The following SULF1 variants were observed in gnomAD, a reference collection of about 807,000 sequenced individuals.
SULF1 encodes sulfatase 1, also known as extracellular sulfatase Sulf-1.
A neutral mutation model predicts 110.5 loss-of-function variants in SULF1; 46 were observed. The observed-to-expected ratio is 0.42, with a 90% CI of 0.33 to 0.53. The LOEUF is 0.53. Ranked by LOEUF, SULF1 falls within the 20% of genes least tolerant of loss-of-function variation. The pLI, the probability that SULF1 is intolerant of heterozygous loss-of-function variation, is 0.12. For synonymous variants in SULF1, 371 were observed against 387.1 expected (o/e 0.96, Z 0.49); for missense variants, 941 against 1,094.2 (o/e 0.86, Z 1.98).
intron 3 of SULF1, among the ~76,000 whole-genome samples, chr8:69,548,750 C>G (rs900979075): frequency 1.3e-5 from 2 of 151,784 alleles, no homozygotes; most frequent in African/African-American, 4.8e-5. Context: ...CATGAGCCAC[C>G]GTGCCCAGAC....
At chr8:69,635,405 G>C (rs1371017978) in intron 19 of SULF1, among the ~76,000 whole-genome samples, 1 of 152,068 alleles carries the variant, frequency 6.6e-6, no homozygotes, top group African/African-American at 2.4e-5. Flanking sequence ...TGGGGACTGG[G>C]GTTATAAATA....
At chr8:69,590,370 C>G (rs11990581) in intron 8 of SULF1, among the ~76,000 whole-genome samples, 73 of 152,052 alleles carry the variant, frequency 4.8e-4, no homozygotes, top group African/African-American at 1.7e-3. Flanking sequence ...ACCATGTTGG[C>G]CAGGCTGGTC....
intron 22 of SULF1, among the ~76,000 whole-genome samples, chr8:69,656,802 T>A (rs1326524172): frequency 1.3e-5 from 2 of 152,230 alleles, no homozygotes; most frequent in African/African-American, 4.8e-5. Context: ...TATGTCTTTA[T>A]AATAGAATGA....
intron 3 of SULF1, among the ~76,000 whole-genome samples, chr8:69,519,895 C>A (rs1176450083): frequency 6.6e-6 from 1 of 152,046 alleles, no homozygotes; most frequent in Non-Finnish European, 1.5e-5. Context: ...CTGTAAACTA[C>A]AGAAATTGGG....
At chr8:69,556,433 G>A (rs1320120880) in intron 3 of SULF1, among the ~76,000 whole-genome samples, 1 of 152,132 alleles carries the variant, frequency 6.6e-6, no homozygotes, top group Non-Finnish European at 1.5e-5. Flanking sequence ...GGACAACACT[G>A]CCCCCATCAG....
chr8:69,532,699 T>C (rs183508113), intron 3 of SULF1, among the ~76,000 whole-genome samples: 1 of 152,330 alleles, frequency 6.6e-6, no homozygotes, highest in African/African-American at 2.4e-5. Flanking sequence ...AGTTTGTTTT[T>C]TGTTGTTGTT....
At chr8:69,558,319 C>T (rs1169000804) in intron 3 of SULF1, among the ~76,000 whole-genome samples, 1 of 152,192 alleles carries the variant, frequency 6.6e-6, no homozygotes, top group Non-Finnish European at 1.5e-5. Context: ...TGGCTAAATT[C>T]AGCTTCGCAT....
chr8:69,629,469 C>T, intron 18 of SULF1, 35 bp from the exon 19 acceptor site: 1 of 1,579,600 alleles, frequency 6.3e-7, no homozygotes, highest in Non-Finnish European at 8.6e-7. Flanking sequence ...AAAGTGCCTT[C>T]TGAACACTCA....
At chr8:69,641,457 A>G (rs913083934) in intron 22 of SULF1, among the ~76,000 whole-genome samples, 1 of 152,178 alleles carries the variant, frequency 6.6e-6, no homozygotes, top group Admixed American at 6.5e-5. Context: ...TCAAGATACT[A>G]GTAAAGGGCC....
chr8:69,609,776 C>A (rs1433083833), intron 13 of SULF1, among the ~76,000 whole-genome samples: 2 of 152,176 alleles, frequency 1.3e-5, no homozygotes, highest in African/African-American at 4.8e-5. Context: ...ATATGGGCAG[C>A]TTTAGAGATG....
At chr8:69,504,951 G>A (rs1345522863) in intron 3 of SULF1, among the ~76,000 whole-genome samples, 1 of 152,136 alleles carries the variant, frequency 6.6e-6, no homozygotes, top group Non-Finnish European at 1.5e-5. Context: ...GCTGCCCTGT[G>A]CATTTTTGAT....
rs763048152 is a variant in SULF1 at position 69,627,811 on chromosome 8, G to A, written c.1987G>A (p.Val663Met). The A allele has an allele frequency of 3.1e-6, 5 of 1,613,488 alleles. No individual in the cohort carries two copies. The highest frequency in any genetic ancestry group is 2.2e-5 in the East Asian group (1 of 44,858). Residue 663 changes from valine to methionine, a missense_variant, in exon 17 of 23, where the codon GTG (valine) becomes ATG (methionine). Coordinates refer to ENST00000402687, the MANE Select transcript of SULF1 (RefSeq NM_001128205.2). ...AGATAAAATTAAGAATTTAAGAGAA[G>A]TGAGAGGACATCTGAAGAGAAGGAA... ...LQDKIKNLRE[V>M]RGHLKRRKPE...
chr8:69,478,764 A>G (rs1030597155), intron 1 of SULF1, among the ~76,000 whole-genome samples: 1 of 151,886 alleles, frequency 6.6e-6, no homozygotes, highest in Non-Finnish European at 1.5e-5. Flanking sequence ...ATTTTTTTAA[A>G]TTGCCTTCTC....
In SULF1 at chr8:69,514,399, A is replaced by C. The variant is rs566057969; in HGVS notation, c.-134+12431A>C. Among the ~76,000 whole-genome samples the C allele has an allele frequency of 2.6e-5, 4 of 152,262 alleles. No homozygotes were observed. In the East Asian group the frequency reaches 7.7e-4, roughly 29 times the overall value. ...AACCAGATCTCATGGGAACTCACTCATGGAACAGCAAGGGGGAAATTCACC... is the reference window on the plus strand; with the variant it reads ...AACCAGATCTCATGGGAACTCACTCCTGGAACAGCAAGGGGGAAATTCACC... On this transcript the variant is annotated intron_variant, in intron 3 of 22. Transcript: ENST00000402687.
intron 19 of SULF1, among the ~76,000 whole-genome samples, chr8:69,634,605 C>T (rs1810830938): frequency 6.6e-6 from 1 of 151,898 alleles, no homozygotes; most frequent in South Asian, 2.1e-4. Flanking sequence ...CCTATCTCTA[C>T]CAAAAAAATA....
At chr8:69,483,488 G>GA (rs1192216881) in intron 1 of SULF1, among the ~76,000 whole-genome samples, 2 of 152,134 alleles carry the variant, frequency 1.3e-5, no homozygotes, top group Non-Finnish European at 2.9e-5. Flanking sequence ...GATGCCAAGA[G>GA]AGAATACTGG....
chr8:69,600,813 A>G, intron 9 of SULF1, 60 bp downstream of exon 9: 2 of 1,539,706 alleles, frequency 1.3e-6, no homozygotes, highest in African/African-American at 2.7e-5. Context: ...GTGTAGACTT[A>G]TTCTTGCCAA....
intron 3 of SULF1, among the ~76,000 whole-genome samples, chr8:69,515,963 A>G (rs987065651): frequency 2.6e-5 from 4 of 152,192 alleles, no homozygotes; most frequent in African/African-American, 9.7e-5. Flanking sequence ...AACTATCCAT[A>G]TCACTATCAG....
chr8:69,581,639 G>A (rs1480048413), intron 6 of SULF1, among the ~76,000 whole-genome samples: 5 of 152,146 alleles, frequency 3.3e-5, no homozygotes, highest in Non-Finnish European at 5.9e-5. Context: ...TGAACTATAC[G>A]TAACCTACAT....
Sources: gnomAD v4.1 joint callset for allele counts (sites outside exome capture counted in the v4.1 genomes callset) on GRCh38, gnomAD v4.1.1 for gene constraint, MANE v1.5 for transcripts, NCBI Gene and HGNC (gene_info 2026-07-23, HGNC 2026-07-21) for gene names.